Variants in RAD51 observed in about 807,000 individuals in gnomAD.
RAD51 encodes the protein DNA repair protein RAD51 homolog 1.
A neutral mutation model predicts 41.5 loss-of-function variants in RAD51; 14 were observed. That is an observed-to-expected ratio of 0.34 (90% CI 0.22 to 0.53). The LOEUF (loss-of-function observed/expected upper bound fraction) is 0.53. RAD51 is among the 20% of genes least tolerant of loss of function. RAD51 has a pLI of 0.95. For synonymous variants in RAD51, 136 were observed against 148.6 expected (o/e 0.92, Z 0.62); for missense variants, 234 against 422.0 (o/e 0.55, Z 3.90).
intron 6 of RAD51, among the ~76,000 whole-genome samples, chr15:40,726,921 A>AAG (rs1272058995): frequency 6.6e-6 from 1 of 151,404 alleles, no homozygotes; most frequent in East Asian, 2.0e-4. Context: ...TCAAAAAAAA[A>AAG]AAAAAAAGAG....
At chr15:40,728,891 T>C in intron 7 of RAD51, 67 bp downstream of exon 7, 1 of 1,298,098 alleles carries the variant, frequency 7.7e-7, no homozygotes, top group South Asian at 1.2e-5. Flanking sequence ...GTAATGGCTA[T>C]TTGGCCAGAT....
chr15:40,701,009 G>A, intron 2 of RAD51, 55 bp from the exon 3 acceptor site: 1 of 1,609,536 alleles, frequency 6.2e-7, no homozygotes, highest in Admixed American at 1.7e-5. Flanking sequence ...CATAACATCT[G>A]TGTTAGATTA....
intron 4 of RAD51, among the ~76,000 whole-genome samples, chr15:40,708,453 C>T (rs185396939): frequency 1.3e-3 from 202 of 151,932 alleles, no homozygotes; most frequent in African/African-American, 4.7e-3. Flanking sequence ...GTCTCGAGCT[C>T]CTGACCTCAG....
chr15:40,704,499 C>T (rs1374753178), intron 3 of RAD51, among the ~76,000 whole-genome samples: 2 of 151,242 alleles, frequency 1.3e-5, no homozygotes, highest in Non-Finnish European at 2.9e-5. Context: ...GTAGTTGGGA[C>T]TACAGGCGCA....
intron 3 of RAD51, 31 bp downstream of exon 3, chr15:40,701,232 A>G: frequency 6.2e-7 from 1 of 1,610,390 alleles, no homozygotes; most frequent in East Asian, 2.2e-5. Flanking sequence ...CTAGGGAGGC[A>G]TTAGTGGGAA....
chr15:40,707,321 T>C, intron 4 of RAD51, among the ~76,000 whole-genome samples: 1 of 145,552 alleles, frequency 6.9e-6, no homozygotes, highest in Non-Finnish European at 1.5e-5. Context: ...TTTCCCTTTT[T>C]TTTGAGACAG....
In RAD51 at chr15:40,695,325, A is replaced by C. The variant is rs528590644; in HGVS notation, c.-103A>C. The C allele has an allele frequency of 6.5e-6, 1 of 152,698 alleles. No homozygotes were observed. Among genetic ancestry groups the C allele is most frequent in the Admixed American group, 6.5e-5 (1 of 15,310 alleles). 9.5% of individuals were successfully genotyped at this position (152,698 alleles called of 1,614,324 possible). A position where few individuals can be genotyped will look rare whatever the true frequency, so the allele number is the denominator to read the frequency against. ...CAAGCGAGTAGAGAAGTGGAGCGTA[A>C]GCCAGGGGCGTTGGGGGCCGTGCGG... On this transcript the variant is annotated 5_prime_UTR_variant, in exon 1 of 10. Transcript: ENST00000267868.
chr15:40,706,073 GT>G, intron 3 of RAD51, 103 bp from the exon 4 acceptor site: 1 of 809,612 alleles, frequency 1.2e-6, no homozygotes, highest in Non-Finnish European at 2.1e-6. Context: ...TGCACACCTT[GT>G]TTTACTAATA....
intron 6 of RAD51, among the ~76,000 whole-genome samples, chr15:40,723,071 G>A (rs1896363753): frequency 6.6e-6 from 1 of 152,074 alleles, no homozygotes; most frequent in African/African-American, 2.4e-5. Flanking sequence ...CTCCAAAGAG[G>A]ATATACAAAT....
At chr15:40,724,818 A>G (rs1048688090) in intron 6 of RAD51, among the ~76,000 whole-genome samples, 2 of 147,098 alleles carry the variant, frequency 1.4e-5, no homozygotes, top group African/African-American at 2.5e-5. Flanking sequence ...AGCTGGGACT[A>G]CAGGCTTCCG....
At chr15:40,701,019 A>G (rs775141978) in intron 2 of RAD51, 45 bp from the exon 3 acceptor site, 7 of 1,558,336 alleles carry the variant, frequency 4.5e-6, no homozygotes, top group African/African-American at 1.4e-5. Context: ...GTGTTAGATT[A>G]GAGAACTAAA....
Position 40,729,994 on chromosome 15 carries a change from A to T in RAD51, c.896+20A>T, listed in dbSNP as rs1567056078. The T allele has an allele frequency of 5.6e-6, 9 of 1,613,162 alleles. No homozygotes were observed. Among genetic ancestry groups the T allele is most frequent in the Non-Finnish European group, 7.6e-6 (9 of 1,179,100 alleles). On this transcript the variant is annotated intron_variant, in intron 9 of 9. Transcript: ENST00000267868. ...AACCAGGTAAGGTGTTGATGGGATC[A>T]GTTCTTCTTTTCGGAATGTCATATT...
rs1896764076 is a variant in RAD51, at chr15:40,729,529, T to C, written c.669T>C (p.Ser223=). ...ESRYALLIVD[S]ATALYRTDYS... is the part of the protein sequence containing the mutation. The stretch of plus-strand genomic sequence containing the variant: ...GGTATGCACTGCTTATTGTAGACAG[T>C]GCCACCGCCCTTTACAGAACAGACT... Residue 223 remains serine (S), a synonymous_variant, in exon 8 of 10, where the codon AGT becomes AGC. Coordinates refer to ENST00000267868, the MANE Select transcript of RAD51 (RefSeq NM_002875.5). The C allele has an allele frequency of 6.2e-7, 1 of 1,613,942 alleles. No individual in the cohort carries two copies. Among genetic ancestry groups the C allele is most frequent in the African/African-American group, 1.3e-5 (1 of 74,898 alleles).
At chr15:40,694,778 G>T (rs1894502473), upstream of RAD51, 1 of 152,186 alleles carries the variant, frequency 6.6e-6, no homozygotes, top group African/African-American at 2.4e-5. Context: ...TTACCTCTTG[G>T]GAGTCGTGGT....
At chr15:40,729,144 G>A (rs1253597512) in intron 7 of RAD51, among the ~76,000 whole-genome samples, 2 of 152,018 alleles carry the variant, frequency 1.3e-5, no homozygotes, top group African/African-American at 2.4e-5. Flanking sequence ...AGGCCAAGGC[G>A]GGTGGATCAC....
intron 6 of RAD51, among the ~76,000 whole-genome samples, chr15:40,725,670 T>TA (rs985580874): frequency 7.2e-5 from 11 of 152,154 alleles, no homozygotes; most frequent in African/African-American, 2.7e-4. Context: ...AACAATCAGA[T>TA]ACTCGGGCTA....
intron 5 of RAD51, among the ~76,000 whole-genome samples, chr15:40,716,071 C>T (rs1895970835): frequency 6.6e-6 from 1 of 152,208 alleles, no homozygotes; most frequent in African/African-American, 2.4e-5. Context: ...TCCAAATTAA[C>T]AAAGCCTTCC....
intron 5 of RAD51, among the ~76,000 whole-genome samples, chr15:40,717,789 C>T (rs1896062276): frequency 6.6e-6 from 1 of 152,100 alleles, no homozygotes; most frequent in Admixed American, 6.6e-5. Context: ...ATGAACTGCT[C>T]AATAAAGTGA....
rs1487067042 is a variant in RAD51 at position 40,724,924 on chromosome 15, G to T, written c.531-3787G>T. On this transcript the variant is annotated intron_variant, in intron 6 of 9. Transcript: ENST00000267868. Reference sequence around the variant, plus strand: ...TTTTTTTTTTTTGAGACAGAGTCTCGCTCTGTCGCCCAGGCCGGACTGCGG... The same window carrying T: ...TTTTTTTTTTTTGAGACAGAGTCTCTCTCTGTCGCCCAGGCCGGACTGCGG... Among the ~76,000 whole-genome samples the T allele has an allele frequency of 4.5e-5, 5 of 110,074 alleles. No individual in the cohort carries two copies. In the South Asian group the frequency reaches 8.5e-4, roughly 19 times the overall value. The allele number at this position is 110,074 out of a possible 152,430, so 72.2% of individuals were successfully genotyped here. A position where few individuals can be genotyped will look rare whatever the true frequency, so the allele number is the denominator to read the frequency against.
Sources: gnomAD v4.1 joint callset for allele counts (sites outside exome capture counted in the v4.1 genomes callset) on GRCh38, gnomAD v4.1.1 for gene constraint, MANE v1.5 for transcripts, NCBI Gene and HGNC (gene_info 2026-07-23, HGNC 2026-07-21) for gene names.